The following TP63 variants were observed in gnomAD, a reference collection of about 807,000 sequenced individuals.
The protein encoded by TP63 is tumor protein p63, also known as tumor protein 63.
A neutral mutation model predicts 82.8 loss-of-function variants in TP63; 17 were observed. The ratio of observed to expected loss-of-function variants is 0.21; its 90% CI spans 0.14 to 0.31. The LOEUF (loss-of-function observed/expected upper bound fraction) is 0.31, where lower values mean the gene tolerates loss of function less well. Among genes scored for constraint, TP63 ranks in the 10% least tolerant of loss-of-function variants. The pLI is 1.00. For synonymous variants in TP63, 330 were observed against 321.7 expected (o/e 1.03, Z -0.28); for missense variants, 648 against 895.3 (o/e 0.72, Z 3.52).
intron 10 of TP63, among the ~76,000 whole-genome samples, chr3:189,879,179 G>A (rs1267905970): frequency 6.6e-6 from 1 of 152,078 alleles, no homozygotes; most frequent in East Asian, 1.9e-4. Context: ...ATTCTTGCCG[G>A]TGACATGGTT....
intron 3 of TP63, among the ~76,000 whole-genome samples, chr3:189,776,500 C>G (rs1723816816): frequency 2.0e-5 from 3 of 152,146 alleles, no homozygotes; most frequent in Non-Finnish European, 4.4e-5. Flanking sequence ...GCTCACAATC[C>G]TACAGAAGAG....
At chr3:189,673,259 G>A (rs756311957) in intron 1 of TP63, among the ~76,000 whole-genome samples, 2 of 152,086 alleles carry the variant, frequency 1.3e-5, no homozygotes, top group South Asian at 2.1e-4. Context: ...TCCTCAGTCT[G>A]ATAAAACTGA....
intron 3 of TP63, among the ~76,000 whole-genome samples, chr3:189,787,853 G>T (rs1724738570): frequency 6.6e-6 from 1 of 151,192 alleles, no homozygotes; most frequent in African/African-American, 2.5e-5. Flanking sequence ...TCCAGTTGTT[G>T]GGGCTGTAAC....
chr3:189,748,839 T>C (rs1407105368), intron 3 of TP63, among the ~76,000 whole-genome samples: 1 of 152,004 alleles, frequency 6.6e-6, no homozygotes, highest in Non-Finnish European at 1.5e-5. Context: ...AACAGATACA[T>C]AGGTCAATGA....
chr3:189,843,558 G>T (rs1714451718), intron 4 of TP63, among the ~76,000 whole-genome samples: 1 of 152,212 alleles, frequency 6.6e-6, no homozygotes, highest in Non-Finnish European at 1.5e-5. Flanking sequence ...AAGGGAGGCA[G>T]GGAGAAGTAA....
chr3:189,781,039 G>A (rs17505775), intron 3 of TP63, among the ~76,000 whole-genome samples: 25,745 of 152,106 alleles, frequency 0.17, 2,917 homozygotes, highest in Middle Eastern at 0.28. Context: ...ATCCGAGAAC[G>A]TCAGGCCCAG....
intron 1 of TP63, among the ~76,000 whole-genome samples, chr3:189,634,691 T>A: frequency 6.6e-6 from 1 of 152,092 alleles, no homozygotes; most frequent in East Asian, 1.9e-4. Flanking sequence ...GAATACTAAC[T>A]TAATTTTTAA....
At chr3:189,889,510 G>T in intron 12 of TP63, 26 bp downstream of exon 12, 1 of 1,614,158 alleles carries the variant, frequency 6.2e-7, no homozygotes, top group Non-Finnish European at 8.5e-7. Flanking sequence ...GTGCCCCTGG[G>T]GGCCTGCCCT....
intron 1 of TP63, among the ~76,000 whole-genome samples, chr3:189,661,055 T>C (rs2108653407): frequency 6.6e-6 from 1 of 152,080 alleles, no homozygotes; most frequent in East Asian, 1.9e-4. Flanking sequence ...TCTATTTGGG[T>C]GTCTTTCATT....
chr3:189,705,449 T>A (rs1718126066), intron 1 of TP63, among the ~76,000 whole-genome samples: 1 of 152,132 alleles, frequency 6.6e-6, no homozygotes, highest in South Asian at 2.1e-4. Context: ...CATTTCTTTC[T>A]TTTCTTTTTC....
At chr3:189,887,208 CA>C (rs5855277) in intron 11 of TP63, among the ~76,000 whole-genome samples, 16,754 of 83,784 alleles carry the variant, frequency 0.2, 898 homozygotes, top group Middle Eastern at 0.31. Context: ...GACTCAGTCT[CA>C]AAAAAAAAAA....
intron 3 of TP63, among the ~76,000 whole-genome samples, chr3:189,743,063 A>G (rs1242251914): frequency 6.6e-6 from 1 of 152,210 alleles, no homozygotes; most frequent in African/African-American, 2.4e-5. Flanking sequence ...TTAAAAAGAC[A>G]TAAACTTTAA....
chr3:189,751,145 G>A (rs140655290), intron 3 of TP63, among the ~76,000 whole-genome samples: 3,893 of 152,256 alleles, frequency 0.026, 139 homozygotes, highest in East Asian at 0.15. Context: ...CAAAGGACAT[G>A]AACTTATCCT....
At chr3:189,700,509 A>G (rs1717723026) in intron 1 of TP63, among the ~76,000 whole-genome samples, 1 of 152,216 alleles carries the variant, frequency 6.6e-6, no homozygotes, top group East Asian at 1.9e-4. Context: ...GAAATAAAGT[A>G]CATGGTAATT....
chr3:189,630,277 C>A (rs551901685), upstream of TP63, among the ~76,000 whole-genome samples: 13 of 152,080 alleles, frequency 8.5e-5, no homozygotes, highest in Non-Finnish European at 1.6e-4. Context: ...ATGTTAGTGA[C>A]CGTTAGATAC....
chr3:189,825,271 T>A (rs770671149), intron 4 of TP63, among the ~76,000 whole-genome samples: 6 of 152,250 alleles, frequency 3.9e-5, no homozygotes, highest in Non-Finnish European at 8.8e-5. Context: ...ATAATAGGCA[T>A]ATACATTCAC....
At chr3:189,806,420 G>A (rs918530328) in intron 3 of TP63, among the ~76,000 whole-genome samples, 3 of 152,196 alleles carry the variant, frequency 2.0e-5, no homozygotes, top group Non-Finnish European at 4.4e-5. Context: ...CCTACAGGAC[G>A]TTCAAGAGTG....
In TP63 at chr3:189,836,927, C is replaced by A. The variant is rs115050074; in HGVS notation, c.580-27305C>A. On this transcript the variant is annotated intron_variant, in intron 4 of 13. Coordinates refer to ENST00000264731, the MANE Select transcript of TP63 (RefSeq NM_003722.5). ...CAAAACACACACATATATGTATTAT[C>A]ACATTTAATCCTCATAACAAACCTG... Among the ~76,000 whole-genome samples, 417 of 152,310 alleles carry A rather than the reference C, an allele frequency of 2.7e-3. 2 individuals carry two copies. Among genetic ancestry groups the A allele is most frequent in the African/African-American group, 9.5e-3 (394 of 41,546 alleles).
rs372370374 is a variant in TP63, at chr3:189,634,597, C to T, written c.62+3020C>T. On this transcript the variant is annotated intron_variant, in intron 1 of 13. Coordinates refer to ENST00000264731, the MANE Select transcript of TP63 (RefSeq NM_003722.5). ...TTCTGAAAACCAAAAAGGCAGTTAACACCTTAGAGCTTATTAAGTTCCCCT... is the reference window on the plus strand; with the variant it reads ...TTCTGAAAACCAAAAAGGCAGTTAATACCTTAGAGCTTATTAAGTTCCCCT... Among the ~76,000 whole-genome samples the T allele has an allele frequency of 3.9e-5, 6 of 152,114 alleles. No homozygotes were observed. The East Asian group carries it at 9.7e-4, about 25-fold the overall frequency.
Sources: allele counts gnomAD v4.1 joint callset (sites outside exome capture counted in the v4.1 genomes callset), GRCh38; gene constraint gnomAD v4.1.1; transcripts MANE v1.5; gene names NCBI Gene and HGNC (gene_info 2026-07-23, HGNC 2026-07-21).